Variants in CEBPG observed in about 807,000 individuals in gnomAD.
CEBPG encodes the protein CCAAT enhancer binding protein gamma, also known as CCAAT/enhancer-binding protein gamma.
Under a neutral mutation model 11.1 loss-of-function variants are expected in CEBPG, and 6 were observed. That is an observed-to-expected ratio of 0.54 (90% CI 0.30 to 1.07). CEBPG has a LOEUF of 1.07. Among genes scored for constraint, CEBPG ranks in the 50% least tolerant of loss-of-function variants. CEBPG has a pLI of 0.07. For missense variants in CEBPG, 161 were observed against 187.4 expected, an observed-to-expected ratio of 0.86 and a Z score of 0.82; for synonymous variants, 66 against 71.0, an observed-to-expected ratio of 0.93 and a Z score of 0.36.
Position 33,381,754 on chromosome 19 carries a change from CTT to C in CEBPG, c.*2064_*2065del, listed in dbSNP as rs930967207. The C allele has an allele frequency of 6.0e-6, 1 of 167,006 alleles. No homozygotes were observed. The highest frequency in any genetic ancestry group is 2.4e-5 in the African/African-American group (1 of 41,420). The allele number at this position is 167,006 out of a possible 1,614,324, so 10.3% of individuals were successfully genotyped here. ...TGACTTAAGTATCTTGAAAAAGAAA[CTT>C]TAGAGAAAGCATCAGGGGTGTGTAC... On this transcript the variant is annotated 3_prime_UTR_variant, in exon 2 of 2. Transcript: ENST00000284000.
At position 33,381,850 on chromosome 19, in the gene CEBPG, A is replaced by G. The variant is rs893840771; in HGVS notation, c.*2158A>G. On this transcript the variant is annotated 3_prime_UTR_variant, in exon 2 of 2. Coordinates refer to ENST00000284000, the MANE Select transcript of CEBPG (RefSeq NM_001806.4). ...ATGGGTTCAAGCTTTCCTATTAGCC[A>G]TGGAAATGCAAAGTTTAGCAGAAGC... 4 of 167,148 alleles carry G rather than the reference A, an allele frequency of 2.4e-5. No individual in the cohort carries two copies. The highest frequency in any genetic ancestry group is 9.6e-5 in the African/African-American group (4 of 41,478). 10.4% of individuals were successfully genotyped at this position (167,148 alleles called of 1,614,324 possible).
rs561608063 is a variant in CEBPG, at chr19:33,382,294, G to T, written c.*2602G>T. 39 of 167,194 alleles carry T rather than the reference G, an allele frequency of 2.3e-4. No individual in the cohort carries two copies. The highest frequency in any genetic ancestry group is 8.9e-4 in the African/African-American group (37 of 41,574). 10.4% of individuals were successfully genotyped at this position (167,194 alleles called of 1,614,324 possible). A position where few individuals can be genotyped will look rare whatever the true frequency, so the allele number is the denominator to read the frequency against. Reference sequence around the variant, plus strand: ...AAGTAGTAAGATTTTAATCAAACACGACCAGGTCCGAAATGCAGGTCATGA... The same window carrying T: ...AAGTAGTAAGATTTTAATCAAACACTACCAGGTCCGAAATGCAGGTCATGA... On this transcript the variant is annotated 3_prime_UTR_variant, in exon 2 of 2. Coordinates refer to ENST00000284000, the MANE Select transcript of CEBPG (RefSeq NM_001806.4).
Position 33,379,970 on chromosome 19 carries a change from C to T in CEBPG, c.*278C>T. The T allele has an allele frequency of 3.4e-6, 1 of 298,112 alleles. No individual in the cohort carries two copies. Among genetic ancestry groups the T allele is most frequent in the Non-Finnish European group, 6.5e-6 (1 of 153,062 alleles). The allele number at this position is 298,112 out of a possible 1,614,324, so 18.5% of individuals were successfully genotyped here. On this transcript the variant is annotated 3_prime_UTR_variant, in exon 2 of 2. Transcript: ENST00000284000. Reference sequence around the variant, plus strand: ...AAGAAATATCTGGGATCCCGATGTTCTTAATAAATCCTGACTTCCCAAGAA... The same window carrying T: ...AAGAAATATCTGGGATCCCGATGTTTTTAATAAATCCTGACTTCCCAAGAA...
At chr19:33,375,300 C>G (rs1452022710) in intron 1 of CEBPG, among the ~76,000 whole-genome samples, 1 of 152,042 alleles carries the variant, frequency 6.6e-6, no homozygotes, top group East Asian at 1.9e-4. Context: ...TGTGCTGAGC[C>G]CCTGGTAAAG....
At position 33,381,929 on chromosome 19, in the gene CEBPG, A is replaced by T. The variant is rs1967994706; in HGVS notation, c.*2237A>T. 6.0e-6 allele frequency: 1 copy of T among 167,134 alleles called. No individual in the cohort carries two copies. The highest frequency in any genetic ancestry group is 1.5e-5 in the Non-Finnish European group (1 of 68,132). The allele number at this position is 167,134 out of a possible 1,614,324, so 10.4% of individuals were successfully genotyped here. A position where few individuals can be genotyped will look rare whatever the true frequency, so the allele number is the denominator to read the frequency against. Reference sequence around the variant, plus strand: ...AAGCATGGTGTTGTCTATCTTATTGAAGTGGTTGGAAATGAAAGCTTTTAA... The same window carrying T: ...AAGCATGGTGTTGTCTATCTTATTGTAGTGGTTGGAAATGAAAGCTTTTAA... On this transcript the variant is annotated 3_prime_UTR_variant, in exon 2 of 2. Transcript: ENST00000284000.
chr19:33,374,091 A>T (rs1405336608), intron 1 of CEBPG, among the ~76,000 whole-genome samples, 196 bp downstream of exon 1: 1 of 149,128 alleles, frequency 6.7e-6, no homozygotes, highest in African/African-American at 2.4e-5. Context: ...TGCCGGCAAC[A>T]CCCGGCGGGG....
chr19:33,379,680 T>C lies in CEBPG; in HGVS notation c.441T>C (p.Asn147=). 6.2e-7 allele frequency: 1 copy of C among 1,610,782 alleles called. No individual in the cohort carries two copies. The highest frequency in any genetic ancestry group is 8.5e-7 in the Non-Finnish European group (1 of 1,177,672). ...STENTTADGD[N]AGQ ...AAAATACGACAGCAGATGGCGACAATGCAGGACAGTAGACCTCACCCTTTC... is the reference window on the plus strand; with the variant it reads ...AAAATACGACAGCAGATGGCGACAACGCAGGACAGTAGACCTCACCCTTTC... Residue 147 remains asparagine, a synonymous_variant, in exon 2 of 2, where the codon AAT becomes AAC. Coordinates refer to ENST00000284000, the MANE Select transcript of CEBPG (RefSeq NM_001806.4).
chr19:33,379,750 G>T lies in CEBPG; in HGVS notation c.*58G>T. ...CTTGAATGTTAAAGGTGTGACCACC[G>T]ACACCACTCATGTCAATGGCTGAAA... On this transcript the variant is annotated 3_prime_UTR_variant, in exon 2 of 2. Transcript: ENST00000284000. 6.9e-7 allele frequency: 1 copy of T among 1,451,870 alleles called. No individual in the cohort carries two copies. 89.9% of individuals were successfully genotyped at this position (1,451,870 alleles called of 1,614,324 possible). A position where few individuals can be genotyped will look rare whatever the true frequency, so the allele number is the denominator to read the frequency against.
rs1967976142 is a variant in CEBPG at position 33,380,718 on chromosome 19, A to G, written c.*1026A>G. 2 of 166,900 alleles carry G rather than the reference A, an allele frequency of 1.2e-5. No homozygotes were observed. Among genetic ancestry groups the G allele is most frequent in the Non-Finnish European group, 2.9e-5 (2 of 68,132 alleles). 10.3% of individuals were successfully genotyped at this position (166,900 alleles called of 1,614,324 possible). A position where few individuals can be genotyped will look rare whatever the true frequency, so the allele number is the denominator to read the frequency against. ...ATTTGATCTTAACCAAGTGATTATT[A>G]GAGAAATGTATCAACTCCATGCCAT... is the stretch of plus-strand genomic sequence containing the variant. On this transcript the variant is annotated 3_prime_UTR_variant, in exon 2 of 2. Transcript: ENST00000284000.
At chr19:33,377,380 A>G (rs1377496419) in intron 1 of CEBPG, among the ~76,000 whole-genome samples, 2 of 152,226 alleles carry the variant, frequency 1.3e-5, no homozygotes, top group Non-Finnish European at 2.9e-5. Flanking sequence ...GATCATTGCT[A>G]TCTCTGAGCA....
chr19:33,379,511 T>C lies in CEBPG; in HGVS notation c.272T>C (p.Leu91Pro). The change falls in exon 2 of 2, where the codon CTG (leucine) becomes CCG (proline). Residue 91 changes from leucine to proline, a missense_variant. Transcript: ENST00000284000. ...AGCAAGCAGAAAGCACAAGACACAC[T>C]GCAGAGAGTCAATCAGCTCAAAGAA... ...LKSKQKAQDT[L>P]QRVNQLKEEN... The C allele has an allele frequency of 6.2e-7, 1 of 1,613,890 alleles. No homozygotes were observed. The highest frequency in any genetic ancestry group is 8.5e-7 in the Non-Finnish European group (1 of 1,179,968).
In CEBPG at chr19:33,376,302, G is replaced by C. The variant is rs200390710; in HGVS notation, c.-97+2407G>C. ...CCCAGGTGAAACTTGAGAAAAATTT[G>C]ATTTTGTTTTACTCATTCTAACATT... On this transcript the variant is annotated intron_variant, in intron 1 of 1. Transcript: ENST00000284000. Among the ~76,000 whole-genome samples the C allele has an allele frequency of 2.8e-4, 42 of 152,280 alleles. 1 individual carries two copies. The East Asian group carries it at 7.7e-3, about 28-fold the overall frequency.
At chr19:33,377,509 TAAAC>T (rs970330842) in intron 1 of CEBPG, among the ~76,000 whole-genome samples, 7 of 152,352 alleles carry the variant, frequency 4.6e-5, no homozygotes, top group Admixed American at 6.5e-5. Flanking sequence ...GGGGAGGTGT[TAAAC>T]AAGTTCTTAA....
At chr19:33,378,185 A>G (rs1024080050) in intron 1 of CEBPG, among the ~76,000 whole-genome samples, 4 of 152,208 alleles carry the variant, frequency 2.6e-5, no homozygotes, top group Admixed American at 2.0e-4. Flanking sequence ...GATTCAGAGT[A>G]ATCCACATGT....
chr19:33,374,249 G>C (rs1967882216), intron 1 of CEBPG: 1 of 151,800 alleles, frequency 6.6e-6, no homozygotes, highest in African/African-American at 2.4e-5. Context: ...TCGGTGAAAC[G>C]GGCGCTGTGA....
chr19:33,377,631 A>G (rs1452177438), intron 1 of CEBPG, among the ~76,000 whole-genome samples: 1 of 152,206 alleles, frequency 6.6e-6, no homozygotes, highest in East Asian at 1.9e-4. Flanking sequence ...CTACTGGAAG[A>G]AAAATGAGGC....
intron 1 of CEBPG, among the ~76,000 whole-genome samples, chr19:33,377,607 A>G (rs978509339): frequency 1.3e-5 from 2 of 152,226 alleles, no homozygotes; most frequent in Admixed American, 1.3e-4. Context: ...GATTAATACT[A>G]AACAGCCACT....
chr19:33,380,996 T>TA lies in CEBPG; in HGVS notation c.*1305dup, dbSNP rs1967978999. 6.0e-6 allele frequency: 1 copy of TA among 167,064 alleles called. No individual in the cohort carries two copies. The highest frequency in any genetic ancestry group is 1.5e-5 in the Non-Finnish European group (1 of 68,108). The allele number at this position is 167,064 out of a possible 1,614,324, so 10.3% of individuals were successfully genotyped here. On this transcript the variant is annotated 3_prime_UTR_variant, in exon 2 of 2. Transcript: ENST00000284000. ...GACTAAAAAATGGCAGTCGCTAAAG[T>TA]AGGGACTCTAGAGTCTGGCTTACGT...
intron 1 of CEBPG, among the ~76,000 whole-genome samples, chr19:33,377,427 A>C (rs140086913): frequency 2.4e-4 from 36 of 152,350 alleles, no homozygotes; most frequent in African/African-American, 8.4e-4. Context: ...AAAGGCTAAA[A>C]ATATAATTGG....
Sources: allele counts gnomAD v4.1 joint callset (sites outside exome capture counted in the v4.1 genomes callset), GRCh38; gene constraint gnomAD v4.1.1; transcripts MANE v1.5; gene names NCBI Gene and HGNC (gene_info 2026-07-23, HGNC 2026-07-21).